ADGRA1: variants seen among roughly 807,000 people sequenced by gnomAD.
The protein encoded by ADGRA1 is G-protein coupled receptor 123.
A neutral mutation model predicts 21.3 loss-of-function variants in ADGRA1; 12 were observed. The observed-to-expected ratio is 0.56, with a 90% CI of 0.36 to 0.91. The LOEUF (loss-of-function observed/expected upper bound fraction) is 0.91. Among genes scored for constraint, ADGRA1 ranks in the 40% least tolerant of loss-of-function variants. The pLI is 0.01. For missense variants in ADGRA1, 790 were observed against 805.6 expected (o/e 0.98, Z 0.23); for synonymous variants, 385 against 368.8 (o/e 1.04, Z -0.50).
In ADGRA1 at chr10:133,098,754, G is replaced by A; in HGVS notation, c.246G>A (p.Leu82=). 6.2e-7 allele frequency: 1 copy of A among 1,610,992 alleles called. No homozygotes were observed. Among genetic ancestry groups the A allele is most frequent in the Non-Finnish European group, 8.5e-7 (1 of 1,179,836 alleles). The change falls in exon 4 of 7, where the codon CTG becomes CTA. Residue 82 remains leucine (L), a synonymous_variant. Transcript: ENST00000392607. ...TCAATCGCACCAAGTACCCCATCCTGTGCCAGGCGGTGAGTGCCGGGGCGC... is the reference window on the plus strand; with the variant it reads ...TCAATCGCACCAAGTACCCCATCCTATGCCAGGCGGTGAGTGCCGGGGCGC... ...GGINRTKYPI[L]CQAVGIVLHY... is the part of the protein sequence containing the mutation.
chr10:133,104,202 T>A (rs1851852671), intron 5 of ADGRA1, among the ~76,000 whole-genome samples: 1 of 152,252 alleles, frequency 6.6e-6, no homozygotes, highest in South Asian at 2.1e-4. Context: ...GATTTTCAGA[T>A]CCACGCAGAC....
chr10:133,125,053 T>G (rs1027456048), intron 5 of ADGRA1, among the ~76,000 whole-genome samples: 1 of 152,270 alleles, frequency 6.6e-6, no homozygotes, highest in African/African-American at 2.4e-5. Context: ...TCTCCCTGTC[T>G]TATCGTCTAC....
intron 2 of ADGRA1, chr10:133,093,041 C>T (rs1323442051): frequency 5.6e-6 from 9 of 1,595,002 alleles, no homozygotes; most frequent in African/African-American, 4.0e-5. Context: ...GACCTGGCCC[C>T]GGACACCTCA....
In ADGRA1 at chr10:133,111,974, CA is replaced by C. The variant is rs1564849705; in HGVS notation, c.401+9133del. Reference sequence around the variant, plus strand: ...ATCCCTCCAGACCACCTGCCCACCACAGGCACCTCCCTCCTAATGCCTCCAG... The same window carrying C: ...ATCCCTCCAGACCACCTGCCCACCACGGCACCTCCCTCCTAATGCCTCCAG... On this transcript the variant is annotated intron_variant, in intron 5 of 6. Transcript: ENST00000392607. 4.5e-4 allele frequency among the ~76,000 whole-genome samples: 29 copies of C among 64,192 alleles called. 5 individuals carry two copies. Among genetic ancestry groups the C allele is most frequent in the South Asian group, 2.2e-3 (4 of 1,838 alleles). The allele number at this position is 64,192 out of a possible 152,430, so 42.1% of individuals were successfully genotyped here.
intron 5 of ADGRA1, among the ~76,000 whole-genome samples, chr10:133,121,549 TGTGA>T (rs67887355): frequency 0.043 from 6,406 of 147,590 alleles, 138 homozygotes; most frequent in Non-Finnish European, 0.049. Flanking sequence ...CCAGTGTGTG[TGTGA>T]GTGTGCTTGT....
chr10:133,126,753 G>C (rs1365687568), intron 5 of ADGRA1, among the ~76,000 whole-genome samples: 1 of 152,176 alleles, frequency 6.6e-6, no homozygotes, highest in East Asian at 1.9e-4. Flanking sequence ...CAGATACTTC[G>C]GCCCTCCGAC....
intron 5 of ADGRA1, among the ~76,000 whole-genome samples, chr10:133,126,549 G>C (rs1045882901): frequency 3.9e-5 from 6 of 152,194 alleles, no homozygotes; most frequent in African/African-American, 1.2e-4. Context: ...TCATGGGTCC[G>C]GGTGGGGGCT....
At chr10:133,097,208 A>C in intron 3 of ADGRA1, 107 bp downstream of exon 3, 1 of 1,383,178 alleles carries the variant, frequency 7.2e-7, no homozygotes, top group Non-Finnish European at 1.0e-6. Context: ...TGTAGCAAGA[A>C]GTCCTTGAAG....
rs549768520 is a variant in ADGRA1, at chr10:133,121,456, G to A, written c.402-5777G>A. Among the ~76,000 whole-genome samples the A allele has an allele frequency of 4.8e-3, 716 of 147,686 alleles. 1 individual carries two copies. The highest frequency in any genetic ancestry group is 6.5e-3 in the Non-Finnish European group (433 of 66,882). ...GTGTGCGTGTGTGCGTGTGCGTGGAGTGTGTCAGTGTGCGTGTGTGCATGT... is the reference window on the plus strand; with the variant it reads ...GTGTGCGTGTGTGCGTGTGCGTGGAATGTGTCAGTGTGCGTGTGTGCATGT... On this transcript the variant is annotated intron_variant, in intron 5 of 6. Transcript: ENST00000392607.
intron 2 of ADGRA1, among the ~76,000 whole-genome samples, chr10:133,093,894 C>T (rs947302514): frequency 1.3e-5 from 2 of 152,274 alleles, no homozygotes; most frequent in African/African-American, 4.8e-5. Context: ...CTGCACATGA[C>T]CCACTTTGAG....
intron 5 of ADGRA1, among the ~76,000 whole-genome samples, chr10:133,103,980 G>A (rs1209468098): frequency 2.0e-5 from 3 of 152,336 alleles, no homozygotes; most frequent in Middle Eastern, 3.4e-3. Flanking sequence ...TGTGGCCAGC[G>A]GTCCCAGGGG....
chr10:133,100,814 A>G (rs112578541), intron 4 of ADGRA1, among the ~76,000 whole-genome samples: 2,126 of 152,344 alleles, frequency 0.014, 53 homozygotes, highest in African/African-American at 0.048. Context: ...GCCGCGTTCC[A>G]GAACAGGACG....
At chr10:133,093,313 T>A (rs1851635441) in intron 2 of ADGRA1, 2 of 1,530,154 alleles carry the variant, frequency 1.3e-6, no homozygotes, top group African/African-American at 1.4e-5. Context: ...TTCCTTCTCA[T>A]CTTTCCTCCT....
At chr10:133,092,501 T>C (rs1851610953) in intron 2 of ADGRA1, among the ~76,000 whole-genome samples, 2 of 152,150 alleles carry the variant, frequency 1.3e-5, no homozygotes, top group Non-Finnish European at 2.9e-5. Context: ...GGGTCATCTG[T>C]GTTCTGGAGG....
At position 133,111,915 on chromosome 10, in the gene ADGRA1, AGACCACC is replaced by A. The variant is rs1852028294; in HGVS notation, c.401+9074_401+9080del. Among the ~76,000 whole-genome samples, 8 of 78,650 alleles carry A rather than the reference AGACCACC, an allele frequency of 1.0e-4. 1 individual carries two copies. The East Asian group carries it at 3.0e-3, about 30-fold the overall frequency. The allele number at this position is 78,650 out of a possible 152,430, so 51.6% of individuals were successfully genotyped here. The stretch of plus-strand genomic sequence containing the variant: ...CAGACACCTCCCTCCTAATGCCTCC[AGACCACC>A]TGCCCGCCGTGAGCACCTCCCTCCT... On this transcript the variant is annotated intron_variant, in intron 5 of 6. Coordinates refer to ENST00000392607, the MANE Select transcript of ADGRA1 (RefSeq NM_001083909.3).
At chr10:133,112,189 G>C (rs532895353) in intron 5 of ADGRA1, among the ~76,000 whole-genome samples, 8 of 152,220 alleles carry the variant, frequency 5.3e-5, no homozygotes, top group African/African-American at 1.7e-4. Flanking sequence ...CAGACCTTTT[G>C]TGATTTCATA....
chr10:133,097,543 C>T (rs1288616845), intron 3 of ADGRA1, among the ~76,000 whole-genome samples: 4 of 152,268 alleles, frequency 2.6e-5, no homozygotes, highest in South Asian at 2.1e-4. Flanking sequence ...GGCGGGGGTT[C>T]GGCTATGTCT....
intron 5 of ADGRA1, among the ~76,000 whole-genome samples, chr10:133,103,495 G>A (rs534995152): frequency 6.4e-4 from 98 of 152,314 alleles, no homozygotes; most frequent in Non-Finnish European, 1.2e-3. Flanking sequence ...CCGCCCCGGC[G>A]GCCTGCACCA....
Position 133,116,662 on chromosome 10 carries a change from C to T in ADGRA1, c.402-10571C>T, listed in dbSNP as rs369212606. 2.3e-3 allele frequency among the ~76,000 whole-genome samples: 351 copies of T among 152,130 alleles called. 1 individual carries two copies. The highest frequency in any genetic ancestry group is 8.3e-3 in the African/African-American group (343 of 41,508). ...GACACTCAACCAGAAACGGGCAGCC[C>T]GAGGAGGGCCCCCCTTCCTCAGTGG... On this transcript the variant is annotated intron_variant, in intron 5 of 6. Transcript: ENST00000392607.
Sources: gnomAD v4.1 joint callset for allele counts (sites outside exome capture counted in the v4.1 genomes callset) on GRCh38, gnomAD v4.1.1 for gene constraint, MANE v1.5 for transcripts, NCBI Gene and HGNC (gene_info 2026-07-23, HGNC 2026-07-21) for gene names.